The following NELL1 variants were observed in gnomAD, a reference collection of about 807,000 sequenced individuals.
The protein encoded by NELL1 is protein kinase C-binding protein NELL1.
Under a neutral mutation model 107.4 loss-of-function variants are expected in NELL1, and 76 were observed. The observed-to-expected ratio is 0.71, with a 90% confidence interval of 0.59 to 0.86. The LOEUF (loss-of-function observed/expected upper bound fraction) is 0.86. Ranked by LOEUF, NELL1 falls within the 40% of genes least tolerant of loss-of-function variation. NELL1 has a pLI of 0.00. For synonymous variants in NELL1, 353 were observed against 341.2 expected, an observed-to-expected ratio of 1.03 and a Z score of -0.38; for missense variants, 1,024 against 1,005.5, an observed-to-expected ratio of 1.02 and a Z score of -0.25.
intron 3 of NELL1, among the ~76,000 whole-genome samples, chr11:20,809,804 T>A (rs188715781): frequency 6.6e-6 from 1 of 152,240 alleles, no homozygotes. Flanking sequence ...ATATCTTGGC[T>A]ATTGTGAATA....
chr11:20,688,033 A>AT (rs34708390), intron 2 of NELL1, among the ~76,000 whole-genome samples: 65 of 151,868 alleles, frequency 4.3e-4, no homozygotes, highest in Middle Eastern at 3.4e-3. Context: ...AACCATACAG[A>AT]TTTTTTTTCC....
chr11:20,840,925 T>C (rs1848610325), intron 3 of NELL1, among the ~76,000 whole-genome samples: 1 of 152,200 alleles, frequency 6.6e-6, no homozygotes. Flanking sequence ...GAGATGACAG[T>C]GTTCATGCCT....
At chr11:21,554,800 C>T (rs1300571403) in intron 16 of NELL1, among the ~76,000 whole-genome samples, 2 of 151,712 alleles carry the variant, frequency 1.3e-5, no homozygotes, top group African/African-American at 4.8e-5. Flanking sequence ...TAATAAATTG[C>T]AGGGATGGAC....
chr11:21,310,833 T>C (rs536434711), intron 14 of NELL1, among the ~76,000 whole-genome samples: 10 of 152,024 alleles, frequency 6.6e-5, no homozygotes, highest in Non-Finnish European at 1.0e-4. Context: ...CAGAAGGTAA[T>C]GTGGGCTAGA....
At chr11:20,932,236 C>T (rs1315107094) in intron 9 of NELL1, among the ~76,000 whole-genome samples, 1 of 152,020 alleles carries the variant, frequency 6.6e-6, no homozygotes, top group African/African-American at 2.4e-5. Context: ...ATCACAATCT[C>T]CAGGCATCAA....
chr11:20,759,412 G>T (rs1441987160), intron 2 of NELL1, among the ~76,000 whole-genome samples: 1 of 152,202 alleles, frequency 6.6e-6, no homozygotes, highest in African/African-American at 2.4e-5. Flanking sequence ...ATGGTTTGTT[G>T]TGAGACTCAG....
chr11:21,030,866 G>C (rs929040539), intron 12 of NELL1, among the ~76,000 whole-genome samples: 1 of 151,890 alleles, frequency 6.6e-6, no homozygotes, highest in Non-Finnish European at 1.5e-5. Context: ...TACTATGCAT[G>C]TATTCTATTA....
chr11:21,560,623 C>T (rs756878897), intron 17 of NELL1, among the ~76,000 whole-genome samples: 1 of 152,046 alleles, frequency 6.6e-6, no homozygotes, highest in Non-Finnish European at 1.5e-5. Flanking sequence ...GAAGGCGAAG[C>T]AGGGTAGAAA....
At chr11:21,282,814 C>T (rs1849027788) in intron 14 of NELL1, among the ~76,000 whole-genome samples, 1 of 152,006 alleles carries the variant, frequency 6.6e-6, no homozygotes, top group Non-Finnish European at 1.5e-5. Flanking sequence ...AAATGAGGTA[C>T]TTATACACAA....
chr11:21,449,832 CT>C (rs917675357), intron 15 of NELL1, among the ~76,000 whole-genome samples: 17 of 152,146 alleles, frequency 1.1e-4, no homozygotes, highest in African/African-American at 4.1e-4. Flanking sequence ...ATTGAACTGC[CT>C]TTGCACCCTT....
At chr11:21,093,386 GT>G (rs1280353150) in intron 12 of NELL1, among the ~76,000 whole-genome samples, 4 of 152,078 alleles carry the variant, frequency 2.6e-5, no homozygotes, top group African/African-American at 9.7e-5. Flanking sequence ...GTCACTACTA[GT>G]TGTACTTCTT....
At chr11:21,191,245 C>T (rs370350356) in intron 13 of NELL1, among the ~76,000 whole-genome samples, 29 of 151,802 alleles carry the variant, frequency 1.9e-4, no homozygotes, top group African/African-American at 7.0e-4. Context: ...TCAATTTAGT[C>T]ACAGGAGTCC....
chr11:20,859,674 C>T (rs1848942847), intron 4 of NELL1, among the ~76,000 whole-genome samples: 1 of 152,156 alleles, frequency 6.6e-6, no homozygotes, highest in South Asian at 2.1e-4. Flanking sequence ...TCATTATAAA[C>T]TACTGGTGGT....
intron 14 of NELL1, among the ~76,000 whole-genome samples, chr11:21,234,656 A>AT (rs1324311707): frequency 1.3e-5 from 2 of 152,200 alleles, no homozygotes; most frequent in African/African-American, 4.8e-5. Context: ...GAAACCATTC[A>AT]TTATGAGTAT....
chr11:20,937,438 T>C (rs1250789842), intron 9 of NELL1, among the ~76,000 whole-genome samples: 1 of 152,232 alleles, frequency 6.6e-6, no homozygotes, highest in Non-Finnish European at 1.5e-5. Flanking sequence ...CTGGAGTGTC[T>C]GAATCAAAGC....
chr11:21,426,477 A>G (rs1217825707), intron 15 of NELL1, among the ~76,000 whole-genome samples: 3 of 152,262 alleles, frequency 2.0e-5, no homozygotes, highest in Non-Finnish European at 4.4e-5. Flanking sequence ...AAAGACTTTC[A>G]TGAAAAGTGG....
intron 5 of NELL1, among the ~76,000 whole-genome samples, chr11:20,892,065 C>G (rs1475271391): frequency 6.6e-6 from 1 of 152,198 alleles, no homozygotes; most frequent in East Asian, 1.9e-4. Flanking sequence ...AATATACATT[C>G]TTCTCAGTGC....
At chr11:20,767,381 C>T (rs1214186153) in intron 2 of NELL1, among the ~76,000 whole-genome samples, 1 of 152,140 alleles carries the variant, frequency 6.6e-6, no homozygotes, top group Non-Finnish European at 1.5e-5. Context: ...TTACAGATTG[C>T]TCATTGGTTC....
intron 2 of NELL1, among the ~76,000 whole-genome samples, chr11:20,693,136 T>G (rs976954570): frequency 1.3e-5 from 2 of 151,914 alleles, no homozygotes; most frequent in African/African-American, 4.8e-5. Flanking sequence ...TTCCATTTGC[T>G]TGGTAGATCT....
Sources: allele counts gnomAD v4.1 joint callset (sites outside exome capture counted in the v4.1 genomes callset), GRCh38; gene constraint gnomAD v4.1.1; transcripts MANE v1.5; gene names NCBI Gene and HGNC (gene_info 2026-07-23, HGNC 2026-07-21).